Variants in EML5 observed in about 807,000 individuals in gnomAD.
EML5 encodes echinoderm microtubule-associated protein-like 5.
EML5 carries 120 observed loss-of-function variants against 250.0 expected under a neutral mutation model. That is an observed-to-expected ratio of 0.48 (90% CI 0.41 to 0.56). The LOEUF (loss-of-function observed/expected upper bound fraction) is 0.56. EML5 is among the 20% of genes least tolerant of loss of function. The probability of loss-of-function intolerance (pLI) is 0.00; values close to 1 mark genes in which losing one functional copy is unlikely to be tolerated. For synonymous variants in EML5, 771 were observed against 806.5 expected (o/e 0.96, Z 0.75); for missense variants, 2,006 against 2,437.6 (o/e 0.82, Z 3.73).
rs2087661498 is a variant in EML5 at position 88,616,613 on chromosome 14, G to A, written c.5796+113C>T. 3 of 1,102,206 alleles carry A rather than the reference G, an allele frequency of 2.7e-6. No individual in the cohort carries two copies. The South Asian group carries it at 5.9e-5, about 22-fold the overall frequency. The allele number at this position is 1,102,206 out of a possible 1,614,324, so 68.3% of individuals were successfully genotyped here. Reference sequence around the variant, plus strand: ...AAAGTAAATAGATTTAGAAAGTTTGGGGAAAAATTTAGAAATTAGGACAAA... The same window carrying A: ...AAAGTAAATAGATTTAGAAAGTTTGAGGAAAAATTTAGAAATTAGGACAAA... On this transcript the variant is annotated intron_variant, in intron 42 of 43. Transcript: ENST00000554922.
intron 1 of EML5, among the ~76,000 whole-genome samples, chr14:88,763,982 T>G (rs1165778011): frequency 1.3e-5 from 2 of 152,206 alleles, no homozygotes; most frequent in African/African-American, 4.8e-5. Context: ...GCTTTTCCTG[T>G]AACTACTGAG....
intron 17 of EML5, among the ~76,000 whole-genome samples, chr14:88,690,602 G>C (rs371745317): frequency 5.4e-4 from 83 of 152,320 alleles, no homozygotes; most frequent in African/African-American, 1.9e-3. Context: ...TTGAAAGTAG[G>C]AACAACTGTT....
At chr14:88,762,033 G>C (rs2094252099) in intron 1 of EML5, among the ~76,000 whole-genome samples, 1 of 152,100 alleles carries the variant, frequency 6.6e-6, no homozygotes, top group Non-Finnish European at 1.5e-5. Context: ...CTTTTTGATA[G>C]GGTTGTTTTT....
intron 1 of EML5, among the ~76,000 whole-genome samples, chr14:88,757,074 C>T (rs1595792708): frequency 6.6e-6 from 1 of 152,162 alleles, no homozygotes; most frequent in African/African-American, 2.4e-5. Context: ...AACTTACAAA[C>T]TTACTACAAA....
intron 11 of EML5, chr14:88,705,834 A>G (rs537165164): frequency 3.2e-6 from 2 of 624,092 alleles, no homozygotes; most frequent in South Asian, 3.0e-5. Context: ...TGACCGCTAC[A>G]TCAAATTTAA....
intron 6 of EML5, 50 bp downstream of exon 6, chr14:88,738,829 T>C: frequency 6.6e-6 from 10 of 1,522,250 alleles, no homozygotes; most frequent in Non-Finnish European, 8.8e-6. Flanking sequence ...GAGATAATCT[T>C]TGGGAAGTTT....
chr14:88,720,510 G>T (rs1047846260), intron 8 of EML5, among the ~76,000 whole-genome samples: 7 of 151,870 alleles, frequency 4.6e-5, no homozygotes, highest in African/African-American at 1.5e-4. Context: ...CATCACATAA[G>T]ATCTAAAAAC....
intron 1 of EML5, among the ~76,000 whole-genome samples, chr14:88,757,795 C>A (rs2140416812): frequency 6.7e-6 from 1 of 149,794 alleles, no homozygotes; most frequent in East Asian, 2.0e-4. Context: ...TCTTTCTTTC[C>A]CTCTTTCCTT....
chr14:88,772,471 C>T (rs745809644), intron 1 of EML5, among the ~76,000 whole-genome samples: 1 of 152,190 alleles, frequency 6.6e-6, no homozygotes, highest in Non-Finnish European at 1.5e-5. Context: ...GTAAGATATA[C>T]CTTCGGCCGG....
chr14:88,752,546 T>G (rs1023841546), intron 2 of EML5, among the ~76,000 whole-genome samples: 22 of 152,166 alleles, frequency 1.4e-4, no homozygotes, highest in Admixed American at 3.3e-4. Flanking sequence ...TTTTTCCAAA[T>G]AAGAGATTCC....
chr14:88,665,178 C>T (rs1410313012), intron 22 of EML5, among the ~76,000 whole-genome samples, 159 bp downstream of exon 22: 1 of 152,098 alleles, frequency 6.6e-6, no homozygotes, highest in Non-Finnish European at 1.5e-5. Flanking sequence ...ATATTTGCAC[C>T]AATCTAACAA....
chr14:88,691,309 G>A (rs1049547527), intron 17 of EML5, among the ~76,000 whole-genome samples: 3 of 152,158 alleles, frequency 2.0e-5, no homozygotes, highest in Non-Finnish European at 2.9e-5. Context: ...TGCAAACAGG[G>A]TAAGCAGGGC....
Position 88,620,905 on chromosome 14 carries a change from A to G in EML5, c.5224T>C (p.Leu1742=). ...ADKKMLNKVN[L]GHAARTVCYS... is the part of the protein sequence containing the mutation. ...CACACAGTACGAGCAGCATGTCCCA[A>G]ATTCACTTTGTTTAACATCTTCTGC... The change falls in exon 39 of 44, where the codon TTG becomes CTG. Residue 1742 remains leucine (L), a synonymous_variant. Coordinates refer to ENST00000554922, the MANE Select transcript of EML5 (RefSeq NM_183387.3). This position sits in a 1 kb window ranked among gnomAD's most constrained non-coding sequence, Gnocchi z 4.3. 1 of 1,520,220 alleles carries G rather than the reference A, an allele frequency of 6.6e-7. No homozygotes were observed. Among genetic ancestry groups the G allele is most frequent in the Non-Finnish European group, 8.8e-7 (1 of 1,140,462 alleles). The allele number at this position is 1,520,220 out of a possible 1,614,324, so 94.2% of individuals were successfully genotyped here.
chr14:88,662,972 C>G, intron 24 of EML5, 59 bp downstream of exon 24: 5 of 1,244,078 alleles, frequency 4.0e-6, no homozygotes, highest in Non-Finnish European at 5.6e-6. Context: ...AAGTAGGTAT[C>G]AGTTTTCTAG....
intron 32 of EML5, among the ~76,000 whole-genome samples, chr14:88,636,430 AG>A (rs1272253288): frequency 6.6e-6 from 1 of 152,224 alleles, no homozygotes; most frequent in Non-Finnish European, 1.5e-5. Flanking sequence ...TGGGAAGCCA[AG>A]GCGGGCAGAT....
chr14:88,768,878 T>C (rs182841893), intron 1 of EML5, among the ~76,000 whole-genome samples: 1 of 152,320 alleles, frequency 6.6e-6, no homozygotes, highest in African/African-American at 2.4e-5. Flanking sequence ...TGGAAAGGGC[T>C]AGAGAGTAAA....
chr14:88,690,371 G>T (rs566837109), intron 17 of EML5, among the ~76,000 whole-genome samples: 3 of 152,210 alleles, frequency 2.0e-5, no homozygotes, highest in Non-Finnish European at 4.4e-5. Flanking sequence ...GAGTTAGAAG[G>T]CTATTTCAAT....
At chr14:88,761,774 T>C (rs1365612397) in intron 1 of EML5, among the ~76,000 whole-genome samples, 3 of 152,214 alleles carry the variant, frequency 2.0e-5, no homozygotes, top group Non-Finnish European at 2.9e-5. Context: ...ATCACCACAC[T>C]GTCTTCCACA....
chr14:88,712,166 A>T (rs1204676226), intron 10 of EML5, 105 bp downstream of exon 10: 2 of 755,452 alleles, frequency 2.6e-6, no homozygotes, highest in Non-Finnish European at 4.3e-6. Flanking sequence ...CAATCAGTGT[A>T]ATTTTAAAAA....
Sources: allele counts gnomAD v4.1 joint callset (sites outside exome capture counted in the v4.1 genomes callset), GRCh38; gene constraint gnomAD v4.1.1; non-coding constraint Gnocchi (gnomAD v3.1); transcripts MANE v1.5; gene names NCBI Gene and HGNC (gene_info 2026-07-23, HGNC 2026-07-21).